The following ACAP2 variants were observed in gnomAD, a reference collection of about 807,000 sequenced individuals.
The protein encoded by ACAP2 is arf-GAP with coiled-coil, ANK repeat and PH domain-containing protein 2.
Under a neutral mutation model 115.8 loss-of-function variants are expected in ACAP2, and 39 were observed. That is an observed-to-expected ratio of 0.34 (90% confidence interval 0.26 to 0.44). The LOEUF (loss-of-function observed/expected upper bound fraction) is 0.44, where lower values mean the gene tolerates loss of function less well. Ranked by LOEUF, ACAP2 falls within the 20% of genes least tolerant of loss-of-function variation. ACAP2 has a pLI of 1.00. For missense variants in ACAP2, 662 were observed against 927.6 expected, an observed-to-expected ratio of 0.71 and a Z score of 3.72; for synonymous variants, 289 against 315.8, an observed-to-expected ratio of 0.92 and a Z score of 0.90.
chr3:195,285,103 A>G (rs1037434026), intron 22 of ACAP2, among the ~76,000 whole-genome samples: 4 of 152,368 alleles, frequency 2.6e-5, no homozygotes, highest in Middle Eastern at 3.4e-3. Context: ...CCGCTTATCT[A>G]AGAGATAATG....
chr3:195,342,389 T>C, intron 6 of ACAP2, 82 bp downstream of exon 6: 9 of 1,332,592 alleles, frequency 6.8e-6, no homozygotes, highest in Non-Finnish European at 9.1e-6. Flanking sequence ...AAGTATTTAT[T>C]CTTCTTAGGG....
intron 15 of ACAP2, among the ~76,000 whole-genome samples, chr3:195,300,926 G>C (rs901709763): frequency 7.2e-5 from 11 of 152,246 alleles, no homozygotes; most frequent in African/African-American, 2.6e-4. Flanking sequence ...TCTGCAGCAC[G>C]AGGATTCTTT....
intron 1 of ACAP2, among the ~76,000 whole-genome samples, chr3:195,426,612 A>G (rs1714702792): frequency 6.6e-6 from 1 of 152,162 alleles, no homozygotes; most frequent in Admixed American, 6.5e-5. Context: ...TTTTAGCCAT[A>G]AAACCTTCCT....
intron 1 of ACAP2, among the ~76,000 whole-genome samples, chr3:195,439,594 G>A (rs1715849744): frequency 6.6e-6 from 1 of 151,560 alleles, no homozygotes. Context: ...CACTTCCTAA[G>A]TAAAACAGAA....
chr3:195,398,889 T>C (rs1712031526), intron 1 of ACAP2, among the ~76,000 whole-genome samples: 2 of 152,294 alleles, frequency 1.3e-5, no homozygotes, highest in Non-Finnish European at 2.9e-5. Context: ...ACCAATATTT[T>C]AGTCTGTCAA....
At chr3:195,330,821 A>G (rs986233902) in intron 8 of ACAP2, among the ~76,000 whole-genome samples, 2 of 151,308 alleles carry the variant, frequency 1.3e-5, no homozygotes, top group Admixed American at 1.3e-4. Context: ...TGTAGAAGTG[A>G]TATGTACAAT....
chr3:195,363,105 G>T (rs1427640239), intron 4 of ACAP2, among the ~76,000 whole-genome samples: 1 of 152,066 alleles, frequency 6.6e-6, no homozygotes. Context: ...AAAGCTGCAG[G>T]ATACAAAATC....
At chr3:195,378,580 G>A (rs1482680574) in intron 4 of ACAP2, among the ~76,000 whole-genome samples, 1 of 151,934 alleles carries the variant, frequency 6.6e-6, no homozygotes, top group African/African-American at 2.4e-5. Flanking sequence ...TTGCTTCAAG[G>A]CCAGGTGCGG....
At chr3:195,434,649 A>C (rs1053394208) in intron 1 of ACAP2, among the ~76,000 whole-genome samples, 1 of 152,218 alleles carries the variant, frequency 6.6e-6, no homozygotes, top group African/African-American at 2.4e-5. Context: ...TCTATTTCTT[A>C]AAGGAGTGTG....
intron 8 of ACAP2, among the ~76,000 whole-genome samples, chr3:195,328,875 C>G (rs1026247259): frequency 3.3e-5 from 5 of 152,248 alleles, no homozygotes; most frequent in East Asian, 1.9e-4. Flanking sequence ...GTCAGTAGAT[C>G]GAGACCATCC....
chr3:195,382,652 A>G (rs6801750), intron 2 of ACAP2, among the ~76,000 whole-genome samples: 46,025 of 151,874 alleles, frequency 0.3, 8,031 homozygotes, highest in East Asian at 0.82. Flanking sequence ...GAAAAGTACT[A>G]AGGGGATGCA....
chr3:195,304,156 T>G (rs1728254987), intron 13 of ACAP2, among the ~76,000 whole-genome samples: 1 of 83,114 alleles, frequency 1.2e-5, no homozygotes, highest in Non-Finnish European at 2.1e-5. Flanking sequence ...GGAGTGAGAC[T>G]CCATCTCAAA....
intron 2 of ACAP2, among the ~76,000 whole-genome samples, chr3:195,388,811 T>TA (rs1734466399): frequency 6.6e-6 from 1 of 152,080 alleles, no homozygotes; most frequent in African/African-American, 2.4e-5. Flanking sequence ...CACCTGAGGT[T>TA]AGGAGTTCGA....
intron 1 of ACAP2, among the ~76,000 whole-genome samples, chr3:195,425,195 C>G (rs1212469814): frequency 6.6e-6 from 1 of 151,760 alleles, no homozygotes; most frequent in East Asian, 1.9e-4. Flanking sequence ...ATAAAAATAC[C>G]CTGGTAGCTT....
intron 1 of ACAP2, among the ~76,000 whole-genome samples, chr3:195,440,674 T>C (rs1715926356): frequency 6.6e-6 from 1 of 152,218 alleles, no homozygotes; most frequent in South Asian, 2.1e-4. Flanking sequence ...TTCTTATACA[T>C]ACAACATGTG....
intron 11 of ACAP2, 60 bp downstream of exon 11, chr3:195,308,726 C>T (rs934335227): frequency 2.2e-5 from 31 of 1,398,772 alleles, no homozygotes; most frequent in Non-Finnish European, 3.0e-5. Flanking sequence ...TCAATGTTTA[C>T]CAAAACAGAT....
In ACAP2 at chr3:195,302,083, T is replaced by G. The variant is rs1382206109; in HGVS notation, c.1208A>C (p.Gln403Pro). The G allele has an allele frequency of 6.2e-7, 1 of 1,614,234 alleles. No homozygotes were observed. The highest frequency in any genetic ancestry group is 1.1e-5 in the South Asian group (1 of 91,090). ...EKLLKGESAL[Q>P]RVQCIPGNAS... ...ATTGCCAGGGATACACTGGACCCGC[T>G]GAAGCGCACTTTCTCCTTTCAATAA... The change falls in exon 14 of 23, where the codon CAG becomes CCG. Residue 403 changes from glutamine (Q) to proline (P), a missense_variant. Coordinates refer to ENST00000326793, the MANE Select transcript of ACAP2 (RefSeq NM_012287.6).
chr3:195,275,440 T>G lies in ACAP2; in HGVS notation c.*3888A>C, dbSNP rs1374038695. 1 of 152,248 alleles carries G rather than the reference T, an allele frequency of 6.6e-6. No homozygotes were observed. Among genetic ancestry groups the G allele is most frequent in the Admixed American group, 6.5e-5 (1 of 15,288 alleles). The allele number at this position is 152,248 out of a possible 1,614,324, so 9.4% of individuals were successfully genotyped here. A position where few individuals can be genotyped will look rare whatever the true frequency, so the allele number is the denominator to read the frequency against. ...ATTAATGTTTGTTATTGCAAAAATGTAAGATTTCCTACAATTTTGTCTTCA... is the reference window on the plus strand; with the variant it reads ...ATTAATGTTTGTTATTGCAAAAATGGAAGATTTCCTACAATTTTGTCTTCA... On this transcript the variant is annotated 3_prime_UTR_variant, in exon 23 of 23. Coordinates refer to ENST00000326793, the MANE Select transcript of ACAP2 (RefSeq NM_012287.6).
At chr3:195,384,813 C>T (rs574619237) in intron 2 of ACAP2, among the ~76,000 whole-genome samples, 31 of 152,232 alleles carry the variant, frequency 2.0e-4, no homozygotes, top group African/African-American at 7.5e-4. Flanking sequence ...CTGATTTTCA[C>T]TGGGTACACA....
Sources: gnomAD v4.1 joint callset for allele counts (sites outside exome capture counted in the v4.1 genomes callset) on GRCh38, gnomAD v4.1.1 for gene constraint, MANE v1.5 for transcripts, NCBI Gene and HGNC (gene_info 2026-07-23, HGNC 2026-07-21) for gene names.